The following MICU1 variants were observed in gnomAD, a reference collection of about 807,000 sequenced individuals.
The protein encoded by MICU1 is mitochondrial calcium uptake 1.
In MICU1, 45 loss-of-function variants were observed where a neutral mutation model predicts 56.8. The observed-to-expected ratio is 0.79, with a 90% CI of 0.62 to 1.02. MICU1 has a LOEUF of 1.02. MICU1 is among the 50% of genes least tolerant of loss of function. The pLI is 0.00. For missense variants in MICU1, 504 were observed against 587.1 expected, an observed-to-expected ratio of 0.86 and a Z score of 1.46; for synonymous variants, 186 against 195.1, an observed-to-expected ratio of 0.95 and a Z score of 0.39.
rs901092682 is a variant in MICU1, at chr10:72,515,165, C to T, written c.538-6896G>A. ...ACATGGGCCGCCATCCTTACAGCTG[C>T]CATTGCACTGGGGACTTGGGGTGGT... On this transcript the variant is annotated intron_variant, in intron 5 of 11. Transcript: ENST00000361114. 5.9e-5 allele frequency among the ~76,000 whole-genome samples: 9 copies of T among 152,156 alleles called. No individual in the cohort carries two copies. The South Asian group carries it at 1.2e-3, about 21-fold the overall frequency.
At chr10:72,546,426 C>G (rs1454720926) in intron 4 of MICU1, among the ~76,000 whole-genome samples, 5 of 152,152 alleles carry the variant, frequency 3.3e-5, no homozygotes, top group African/African-American at 1.2e-4. Flanking sequence ...ATAAGGGACA[C>G]TCCAAGCTGT....
intron 1 of MICU1, among the ~76,000 whole-genome samples, chr10:72,583,625 A>G (rs1463395361): frequency 1.3e-5 from 2 of 152,196 alleles, no homozygotes; most frequent in Non-Finnish European, 2.9e-5. Context: ...CTAGATGATA[A>G]TACATACATG....
At chr10:72,535,314 C>T (rs1375079899) in intron 4 of MICU1, among the ~76,000 whole-genome samples, 1 of 152,068 alleles carries the variant, frequency 6.6e-6, no homozygotes, top group Non-Finnish European at 1.5e-5. Flanking sequence ...GCTGGGATTA[C>T]AGGCATAAGC....
At chr10:72,571,799 C>T (rs1397520281) in intron 1 of MICU1, among the ~76,000 whole-genome samples, 2 of 151,828 alleles carry the variant, frequency 1.3e-5, no homozygotes, top group Non-Finnish European at 2.9e-5. Flanking sequence ...TGGTGGCACA[C>T]GTCAGCTACT....
At chr10:72,483,132 A>C (rs1866357676) in intron 6 of MICU1, 1 of 152,324 alleles carries the variant, frequency 6.6e-6, no homozygotes, top group Admixed American at 6.5e-5. Flanking sequence ...CTGGGATTAC[A>C]GGCATGAACC....
chr10:72,501,343 C>T (rs1461974081), intron 6 of MICU1, among the ~76,000 whole-genome samples: 1 of 151,650 alleles, frequency 6.6e-6, no homozygotes, highest in Non-Finnish European at 1.5e-5. Flanking sequence ...TTCACTGGTA[C>T]TGGGTACAGA....
intron 6 of MICU1, among the ~76,000 whole-genome samples, chr10:72,503,498 T>A (rs891911700): frequency 6.6e-6 from 1 of 152,068 alleles, no homozygotes; most frequent in Admixed American, 6.6e-5. Flanking sequence ...TTGCTAAATA[T>A]CCTAAAGTGA....
At chr10:72,591,676 C>G (rs1841228631) in intron 1 of MICU1, among the ~76,000 whole-genome samples, 1 of 152,028 alleles carries the variant, frequency 6.6e-6, no homozygotes, top group Admixed American at 6.6e-5. Flanking sequence ...TTAAATCACC[C>G]CAAATTAGAA....
chr10:72,576,729 A>G (rs1053138240), intron 1 of MICU1, among the ~76,000 whole-genome samples: 1 of 152,224 alleles, frequency 6.6e-6, no homozygotes, highest in African/African-American at 2.4e-5. Flanking sequence ...AGAAGATGCC[A>G]TCTAGGACTT....
rs542725786 is a variant in MICU1 at position 72,500,302 on chromosome 10, ATTTTTTTTTTTTTT to A, written c.652+7839_652+7852del. Among the ~76,000 whole-genome samples, 15 of 10,666 alleles carry A rather than the reference ATTTTTTTTTTTTTT, an allele frequency of 1.4e-3. 1 individual carries two copies. Among genetic ancestry groups the A allele is most frequent in the East Asian group, 0.011 (2 of 190 alleles). 7.0% of individuals were successfully genotyped at this position (10,666 alleles called of 152,430 possible). ...TATATATATATATATATATATATAT[ATTTTTTTTTTTTTT>A]TTTTTTTTTTTTTTTTTGAGACAGT... On this transcript the variant is annotated intron_variant, in intron 6 of 11. Transcript: ENST00000361114.
chr10:72,387,789 T>A, intron 10 of MICU1, among the ~76,000 whole-genome samples: 3 of 147,280 alleles, frequency 2.0e-5, no homozygotes, highest in African/African-American at 2.5e-5. Flanking sequence ...TTTTTAAGGA[T>A]GATTTAAAAA....
chr10:72,599,503 C>A (rs1841467010), intron 1 of MICU1, among the ~76,000 whole-genome samples: 1 of 152,140 alleles, frequency 6.6e-6, no homozygotes, highest in Non-Finnish European at 1.5e-5. Context: ...CTACACACCC[C>A]TTAGAGTCAC....
chr10:72,580,147 A>T (rs1840858428), intron 1 of MICU1, among the ~76,000 whole-genome samples: 1 of 152,182 alleles, frequency 6.6e-6, no homozygotes, highest in Non-Finnish European at 1.5e-5. Context: ...ATATTAAGTT[A>T]TATTTATTTT....
At chr10:72,400,660 C>T (rs910875557) in intron 10 of MICU1, among the ~76,000 whole-genome samples, 1 of 152,020 alleles carries the variant, frequency 6.6e-6, no homozygotes, top group South Asian at 2.1e-4. Flanking sequence ...GCAGGAGAAT[C>T]GCTTGAACCC....
In MICU1 at chr10:72,455,350, C is replaced by CCA. The variant is rs1266151652; in HGVS notation, c.933+19749_933+19750insTG. Among the ~76,000 whole-genome samples, 28 of 44,206 alleles carry CCA rather than the reference C, an allele frequency of 6.3e-4. 1 individual carries two copies. The highest frequency in any genetic ancestry group is 1.8e-3 in the African/African-American group (27 of 14,918). 29.0% of individuals were successfully genotyped at this position (44,206 alleles called of 152,430 possible). ...GGGAAACAAGAGCAAGACTCTGTCT[C>CCA]AAAAAAAAAAAAAAAAAAAAAAAAA... On this transcript the variant is annotated intron_variant, in intron 8 of 11. Coordinates refer to ENST00000361114, the MANE Select transcript of MICU1 (RefSeq NM_001195518.2).
chr10:72,582,738 C>T (rs990862657), intron 1 of MICU1: 7 of 150,504 alleles, frequency 4.7e-5, no homozygotes, highest in Non-Finnish European at 8.8e-5. Flanking sequence ...GAGCCATGAT[C>T]ATGCCACTGC....
intron 5 of MICU1, among the ~76,000 whole-genome samples, chr10:72,527,112 G>T (rs1282412396): frequency 1.3e-5 from 2 of 151,952 alleles, no homozygotes; most frequent in Admixed American, 1.3e-4. Context: ...GGTTTCTCAG[G>T]TTAGTATGAA....
intron 5 of MICU1, among the ~76,000 whole-genome samples, chr10:72,523,512 G>C (rs985163102): frequency 1.3e-5 from 2 of 151,652 alleles, no homozygotes; most frequent in Non-Finnish European, 2.9e-5. Context: ...TTGGTAAGAG[G>C]GACTACCAAA....
At chr10:72,411,503 AT>A (rs984335094) in intron 9 of MICU1, among the ~76,000 whole-genome samples, 1 of 149,328 alleles carries the variant, frequency 6.7e-6, no homozygotes. Flanking sequence ...AATTTTTTGT[AT>A]TTTTTTTTAG....
Sources: gnomAD v4.1 joint callset for allele counts (sites outside exome capture counted in the v4.1 genomes callset) on GRCh38, gnomAD v4.1.1 for gene constraint, MANE v1.5 for transcripts, NCBI Gene and HGNC (gene_info 2026-07-23, HGNC 2026-07-21) for gene names.